The following CDHR1 variants were observed in gnomAD, a reference collection of about 807,000 sequenced individuals.
The protein encoded by CDHR1 is cadherin related family member 1.
Under a neutral mutation model 72.1 loss-of-function variants are expected in CDHR1, and 61 were observed. The observed-to-expected ratio is 0.85, with a 90% CI of 0.69 to 1.05. The LOEUF is 1.05. Among genes scored for constraint, CDHR1 ranks in the 50% least tolerant of loss-of-function variants. The pLI, the probability that CDHR1 is intolerant of heterozygous loss-of-function variation, is 0.00. For synonymous variants in CDHR1, 470 were observed against 448.1 expected (o/e 1.05, Z -0.62); for missense variants, 1,186 against 1,115.7 (o/e 1.06, Z -0.90).
Position 84,217,333 on chromosome 10 carries a change from AGCC to A in CDHR1, c.*2713_*2715del, listed in dbSNP as rs1219161832. ...TTCCTGGCCCTGAGAATGGAGCTGT[AGCC>A]TCATGGACAATAAATGGATGTGACA... On this transcript the variant is annotated 3_prime_UTR_variant, in exon 17 of 17. Coordinates refer to ENST00000623527, the MANE Select transcript of CDHR1 (RefSeq NM_033100.4). 9.6e-5 allele frequency: 95 copies of A among 985,380 alleles called. No individual in the cohort carries two copies. Among genetic ancestry groups the A allele is most frequent in the Middle Eastern group, 1.0e-3 (2 of 1,936 alleles). The allele number at this position is 985,380 out of a possible 1,614,324, so 61.0% of individuals were successfully genotyped here.
Position 84,217,635 on chromosome 10 carries a change from C to T in CDHR1, c.*3014C>T, listed in dbSNP as rs550037207. ...TCTACTTACACAAGCTCAGTAGACACTTGCCGTGACTGTGGCCCACATACT... is the reference window on the plus strand; with the variant it reads ...TCTACTTACACAAGCTCAGTAGACATTTGCCGTGACTGTGGCCCACATACT... On this transcript the variant is annotated 3_prime_UTR_variant, in exon 17 of 17. Transcript: ENST00000623527. 5.1e-6 allele frequency: 5 copies of T among 985,372 alleles called. No individual in the cohort carries two copies. In the African/African-American group the frequency reaches 8.7e-5, roughly 17 times the overall value. The allele number at this position is 985,372 out of a possible 1,614,324, so 61.0% of individuals were successfully genotyped here.
At chr10:84,197,744 T>C in intron 3 of CDHR1, 42 bp from the exon 4 acceptor site, 2 of 1,588,948 alleles carry the variant, frequency 1.3e-6, no homozygotes, top group Non-Finnish European at 1.7e-6. Flanking sequence ...TCCTATGGCG[T>C]GTCAGACTCC....
chr10:84,195,756 C>A (rs1589292807), intron 2 of CDHR1, among the ~76,000 whole-genome samples, 167 bp downstream of exon 2: 1 of 152,240 alleles, frequency 6.6e-6, no homozygotes, highest in South Asian at 2.1e-4. Context: ...TCATTGCTGC[C>A]ATGGCGACTT....
chr10:84,215,007 A>G lies in CDHR1; in HGVS notation c.*386A>G. ...TCATCATCATCCTTAGTCAAGCAGC[A>G]GGGCCCTGGCCACGTGGAGCAACAC... On this transcript the variant is annotated 3_prime_UTR_variant, in exon 17 of 17. Coordinates refer to ENST00000623527, the MANE Select transcript of CDHR1 (RefSeq NM_033100.4). 1 of 1,146,566 alleles carries G rather than the reference A, an allele frequency of 8.7e-7. No individual in the cohort carries two copies. Among genetic ancestry groups the G allele is most frequent in the Non-Finnish European group, 1.1e-6 (1 of 925,508 alleles). 71.0% of individuals were successfully genotyped at this position (1,146,566 alleles called of 1,614,324 possible). A position where few individuals can be genotyped will look rare whatever the true frequency, so the allele number is the denominator to read the frequency against.
Position 84,215,448 on chromosome 10 carries a change from G to C in CDHR1, c.*827G>C, listed in dbSNP as rs1842411485. ...CTGCCCCACCAGCCATCCTTGAAGA[G>C]ACAATTCAGGGCAGTTGATGAATAT... On this transcript the variant is annotated 3_prime_UTR_variant, in exon 17 of 17. Coordinates refer to ENST00000623527, the MANE Select transcript of CDHR1 (RefSeq NM_033100.4). The C allele has an allele frequency of 1.0e-6, 1 of 985,440 alleles. No individual in the cohort carries two copies. Among genetic ancestry groups the C allele is most frequent in the East Asian group, 1.1e-4 (1 of 8,800 alleles). 61.0% of individuals were successfully genotyped at this position (985,440 alleles called of 1,614,324 possible).
Position 84,195,512 on chromosome 10 carries a change from C to T in CDHR1, c.74C>T (p.Pro25Leu), listed in dbSNP as rs1434618794. The T allele has an allele frequency of 1.2e-6, 2 of 1,614,138 alleles. No homozygotes were observed. Among genetic ancestry groups the T allele is most frequent in the South Asian group, 1.1e-5 (1 of 91,076 alleles). ...RLCLAQANFA[P>L]HFFDNGVGST... is the part of the protein sequence containing the mutation. Reference sequence around the variant, plus strand: ...TTTCCAGCTCAGGCCAACTTCGCCCCGCACTTCTTCGACAACGGGGTCGGC... The same window carrying T: ...TTTCCAGCTCAGGCCAACTTCGCCCTGCACTTCTTCGACAACGGGGTCGGC... Residue 25 changes from proline to leucine, a missense_variant, in exon 2 of 17, where the codon CCG becomes CTG. Physicochemically the swap from Pro to Leu is moderately conservative, Grantham distance 98. Transcript: ENST00000623527.
At chr10:84,213,494 A>C (rs1842374826) in intron 16 of CDHR1, 146 bp downstream of exon 16, 1 of 1,102,930 alleles carries the variant, frequency 9.1e-7, no homozygotes. Flanking sequence ...CATCAAACAC[A>C]CAGTCTTTGG....
intron 3 of CDHR1, 109 bp from the exon 4 acceptor site, chr10:84,197,677 C>T: frequency 9.6e-7 from 1 of 1,038,614 alleles, no homozygotes; most frequent in Non-Finnish European, 1.5e-6. Flanking sequence ...TATTGGCACG[C>T]CCAGACCTCC....
At chr10:84,204,453 C>A (rs951906643) in intron 8 of CDHR1, 74 bp from the exon 9 acceptor site, 5 of 1,060,684 alleles carry the variant, frequency 4.7e-6, no homozygotes, top group Non-Finnish European at 5.9e-6. Flanking sequence ...TCCTTTTCAT[C>A]ATGGAGACAT....
intron 7 of CDHR1, among the ~76,000 whole-genome samples, chr10:84,202,530 G>A (rs7081081): frequency 0.026 from 3,952 of 152,294 alleles, 159 homozygotes; most frequent in African/African-American, 0.088. Flanking sequence ...CAGGAGGCCC[G>A]AGTCAGCCTC....
downstream of CDHR1, chr10:84,219,526 A>C: frequency 2.1e-6 from 1 of 475,090 alleles, no homozygotes; most frequent in South Asian, 5.5e-5. Context: ...AGGCTATTTC[A>C]TGATGGTGAC....
chr10:84,196,487 C>T lies in CDHR1; in HGVS notation c.152-18C>T. The T allele has an allele frequency of 1.2e-6, 2 of 1,614,106 alleles. No individual in the cohort carries two copies. ...TTGGGTCTCAGATTCTATGTCTCTCCACTGTGTTTCCTTCCAGGCTCTCAC... is the reference window on the plus strand; with the variant it reads ...TTGGGTCTCAGATTCTATGTCTCTCTACTGTGTTTCCTTCCAGGCTCTCAC... On this transcript the variant is annotated intron_variant, in intron 2 of 16. Transcript: ENST00000623527.
Position 84,214,813 on chromosome 10 carries a change from T to A in CDHR1, c.*192T>A. ...AAGTTGCGCTCTGACAGGGCTCTAG[T>A]CAGGGCCTTGGGCAAGACATTGGGC... On this transcript the variant is annotated 3_prime_UTR_variant, in exon 17 of 17. Coordinates refer to ENST00000623527, the MANE Select transcript of CDHR1 (RefSeq NM_033100.4). The A allele has an allele frequency of 6.6e-7, 1 of 1,512,822 alleles. No individual in the cohort carries two copies. The allele number at this position is 1,512,822 out of a possible 1,614,324, so 93.7% of individuals were successfully genotyped here. A position where few individuals can be genotyped will look rare whatever the true frequency, so the allele number is the denominator to read the frequency against.
chr10:84,196,859 C>A (rs745903643), intron 3 of CDHR1, among the ~76,000 whole-genome samples: 1 of 152,172 alleles, frequency 6.6e-6, no homozygotes, highest in African/African-American at 2.4e-5. Flanking sequence ...TCACACAGAG[C>A]GAAGAGTGGG....
Position 84,214,400 on chromosome 10 carries a change from C to T in CDHR1, c.2359C>T (p.Leu787=). ...NCNNNSPESS[L]LPRAPALPPP... ...TAACAACAACAGCCCAGAAAGCTCT[C>T]TGCTCCCGAGAGCTCCGGCTCTCCC... The change falls in exon 17 of 17, where the codon CTG becomes TTG. Residue 787 remains leucine, a synonymous_variant. Transcript: ENST00000623527. 6.2e-7 allele frequency: 1 copy of T among 1,613,972 alleles called. No homozygotes were observed.
At chr10:84,212,472 G>A (rs892640993) in intron 15 of CDHR1, 65 bp downstream of exon 15, 3 of 1,365,310 alleles carry the variant, frequency 2.2e-6, no homozygotes, top group Admixed American at 3.4e-5. Context: ...GAGATACTGA[G>A]GCATAAGAAT....
chr10:84,211,828 T>G, intron 14 of CDHR1, 113 bp downstream of exon 14: 3 of 930,594 alleles, frequency 3.2e-6, no homozygotes, highest in Non-Finnish European at 5.3e-6. Context: ...GGAGCCTGGG[T>G]GAAGAGAAGT....
At chr10:84,199,874 A>T (rs1360753982) in intron 5 of CDHR1, among the ~76,000 whole-genome samples, 1 of 152,144 alleles carries the variant, frequency 6.6e-6, no homozygotes, top group Non-Finnish European at 1.5e-5. Flanking sequence ...TCAAAGTTTA[A>T]AATGTTTGCT....
rs557462608 is a variant in CDHR1 at position 84,218,119 on chromosome 10, G to A, written c.*3498G>A. On this transcript the variant is annotated 3_prime_UTR_variant, in exon 17 of 17. Coordinates refer to ENST00000623527, the MANE Select transcript of CDHR1 (RefSeq NM_033100.4). Reference sequence around the variant, plus strand: ...CATCCTGACAGTCTTCAAGGCCTTGGCCACCAAGGGATGGAGAGGGAGAAT... The same window carrying A: ...CATCCTGACAGTCTTCAAGGCCTTGACCACCAAGGGATGGAGAGGGAGAAT... 1.6e-4 allele frequency: 157 copies of A among 985,360 alleles called. No homozygotes were observed. Among genetic ancestry groups the A allele is most frequent in the Non-Finnish European group, 1.8e-4 (149 of 829,958 alleles). 61.0% of individuals were successfully genotyped at this position (985,360 alleles called of 1,614,324 possible). A position where few individuals can be genotyped will look rare whatever the true frequency, so the allele number is the denominator to read the frequency against.
Sources: gnomAD v4.1 joint callset for allele counts (sites outside exome capture counted in the v4.1 genomes callset) on GRCh38, gnomAD v4.1.1 for gene constraint, MANE v1.5 for transcripts, NCBI Gene and HGNC (gene_info 2026-07-23, HGNC 2026-07-21) for gene names.